Variants in CSMD1 observed in about 807,000 individuals in gnomAD.
CSMD1 encodes CUB and Sushi multiple domains 1.
A neutral mutation model predicts 417.5 loss-of-function variants in CSMD1; 213 were observed. That is an observed-to-expected ratio of 0.51 (90% confidence interval 0.46 to 0.57). CSMD1 has a LOEUF of 0.57. Among genes scored for constraint, CSMD1 ranks in the 20% least tolerant of loss-of-function variants. The probability of loss-of-function intolerance (pLI) is 0.00; values close to 1 mark genes in which losing one functional copy is unlikely to be tolerated. For missense variants in CSMD1, 6,923 were observed against 4,529.7 expected (o/e 1.53, Z -15.17); for synonymous variants, 2,862 against 1,736.8 (o/e 1.65, Z -16.11).
At chr8:4,070,599 C>T (rs779205406) in intron 3 of CSMD1, among the ~76,000 whole-genome samples, 1 of 152,116 alleles carries the variant, frequency 6.6e-6, no homozygotes, top group Non-Finnish European at 1.5e-5. Context: ...CCTCGTGATC[C>T]ACCCACCTCG....
intron 25 of CSMD1, among the ~76,000 whole-genome samples, chr8:3,286,682 C>A (rs1029404358): frequency 4.7e-5 from 7 of 150,298 alleles, no homozygotes; most frequent in African/African-American, 1.7e-4. Flanking sequence ...TTGTTTTTTT[C>A]TTGTAAATTT....
At chr8:4,442,740 A>G (rs1043069728) in intron 2 of CSMD1, among the ~76,000 whole-genome samples, 1 of 152,048 alleles carries the variant, frequency 6.6e-6, no homozygotes, top group Non-Finnish European at 1.5e-5. Context: ...ATCAGTCACT[A>G]TTTTATGTTT....
At chr8:2,960,758 T>G in intron 62 of CSMD1, among the ~76,000 whole-genome samples, 1 of 152,000 alleles carries the variant, frequency 6.6e-6, no homozygotes, top group Non-Finnish European at 1.5e-5. Flanking sequence ...ATCCAGTCCC[T>G]AAGTGGAACC....
At chr8:3,703,500 T>A (rs1379282203) in intron 7 of CSMD1, among the ~76,000 whole-genome samples, 1 of 152,100 alleles carries the variant, frequency 6.6e-6, no homozygotes, top group African/African-American at 2.4e-5. Context: ...ACTGGTTGTG[T>A]ACTGGTAGCT....
At chr8:4,975,393 G>C (rs563272576) in intron 1 of CSMD1, among the ~76,000 whole-genome samples, 18 of 152,302 alleles carry the variant, frequency 1.2e-4, no homozygotes, top group Non-Finnish European at 2.2e-4. Context: ...TTACTTCCTG[G>C]CTGTAAGCGG....
intron 1 of CSMD1, among the ~76,000 whole-genome samples, chr8:4,913,194 C>T (rs1268864800): frequency 6.6e-6 from 1 of 152,172 alleles, no homozygotes; most frequent in African/African-American, 2.4e-5. Flanking sequence ...TAGGTTGGTG[C>T]AAACCTAGTA....
intron 7 of CSMD1, among the ~76,000 whole-genome samples, chr8:3,683,766 T>C (rs1799791070): frequency 6.6e-6 from 1 of 152,200 alleles, no homozygotes; most frequent in Non-Finnish European, 1.5e-5. Context: ...TAAAATGTTA[T>C]GTTCTTCCAG....
chr8:4,466,331 G>T (rs936300928), intron 2 of CSMD1, among the ~76,000 whole-genome samples: 1 of 151,988 alleles, frequency 6.6e-6, no homozygotes, highest in Non-Finnish European at 1.5e-5. Context: ...AGAAAGAAAG[G>T]GAAGAAAAGT....
At chr8:3,229,484 G>A (rs1317675521) in intron 27 of CSMD1, among the ~76,000 whole-genome samples, 1 of 152,116 alleles carries the variant, frequency 6.6e-6, no homozygotes, top group Non-Finnish European at 1.5e-5. Context: ...GCCAAAGTCT[G>A]CAAAATCATT....
intron 5 of CSMD1, among the ~76,000 whole-genome samples, chr8:3,905,727 A>C (rs1808063741): frequency 6.6e-6 from 1 of 152,222 alleles, no homozygotes; most frequent in Non-Finnish European, 1.5e-5. Context: ...AAGTCCACGC[A>C]GATAATAGAC....
intron 5 of CSMD1, among the ~76,000 whole-genome samples, chr8:3,885,086 C>G (rs1424269647): frequency 2.0e-5 from 3 of 152,008 alleles, no homozygotes; most frequent in South Asian, 4.2e-4. Context: ...CAAGTAGCTT[C>G]TCATATACAT....
intron 50 of CSMD1, among the ~76,000 whole-genome samples, chr8:3,033,535 T>C (rs1293396896): frequency 6.6e-6 from 1 of 151,832 alleles, no homozygotes; most frequent in Non-Finnish European, 1.5e-5. Context: ...CATTTATAAG[T>C]GGGAGTTGAA....
chr8:3,327,411 G>A (rs1002328863), intron 23 of CSMD1, among the ~76,000 whole-genome samples: 2 of 152,144 alleles, frequency 1.3e-5, no homozygotes, highest in Non-Finnish European at 2.9e-5. Flanking sequence ...GGGATTACAG[G>A]CATGAGCCAC....
chr8:4,645,443 G>GGAAAAAAA (rs1803457663), intron 1 of CSMD1, among the ~76,000 whole-genome samples: 1 of 12,054 alleles, frequency 8.3e-5, no homozygotes, highest in Non-Finnish European at 1.6e-4. Flanking sequence ...TAGTGCAGGG[G>GGAAAAAAA]CAAAAAAAAA....
intron 14 of CSMD1, among the ~76,000 whole-genome samples, chr8:3,406,735 G>C (rs1230853404): frequency 2.0e-5 from 3 of 152,096 alleles, no homozygotes; most frequent in Non-Finnish European, 4.4e-5. Context: ...TAAGAAACTA[G>C]GCAGTTAGCA....
intron 1 of CSMD1, among the ~76,000 whole-genome samples, chr8:4,809,032 A>C (rs1798747815): frequency 6.6e-6 from 1 of 152,188 alleles, no homozygotes; most frequent in Admixed American, 6.6e-5. Context: ...GCCGAGTTTT[A>C]CTTTCCAGTC....
chr8:4,991,250 CT>C (rs1811448202), intron 1 of CSMD1, among the ~76,000 whole-genome samples: 1 of 152,194 alleles, frequency 6.6e-6, no homozygotes, highest in East Asian at 1.9e-4. Flanking sequence ...TCCTTTTCCC[CT>C]GGTCCCTGAA....
At chr8:4,199,531 A>G (rs953765308) in intron 3 of CSMD1, among the ~76,000 whole-genome samples, 6 of 152,190 alleles carry the variant, frequency 3.9e-5, no homozygotes, top group African/African-American at 1.4e-4. Context: ...ATAAGCGATC[A>G]TCAGTATTGA....
intron 11 of CSMD1, among the ~76,000 whole-genome samples, chr8:3,473,643 G>C (rs947543760): frequency 1.3e-5 from 2 of 152,114 alleles, no homozygotes; most frequent in African/African-American, 4.8e-5. Flanking sequence ...ATAGATACTG[G>C]CTTTGATTAA....
Sources: allele counts gnomAD v4.1 joint callset (sites outside exome capture counted in the v4.1 genomes callset), GRCh38; gene constraint gnomAD v4.1.1; transcripts MANE v1.5; gene names NCBI Gene and HGNC (gene_info 2026-07-23, HGNC 2026-07-21).